Variants in AKAP19 observed in about 807,000 individuals in gnomAD.
The protein encoded by AKAP19 is A-kinase anchoring protein 19.
At chr2:190,197,420 T>C in the AKAP19 span, among the ~76,000 whole-genome samples, 4 of 152,226 alleles carry the variant, frequency 2.6e-5, no homozygotes. The surrounding 1 kb of genome is among the most constrained non-coding windows in gnomAD (Gnocchi z 4.0). Context: ...AATCGTTTGC[T>C]AACACTTTGC....
chr2:190,203,444 T>C, the AKAP19 span: 1 of 166,780 alleles, frequency 6.0e-6, no homozygotes, highest in Admixed American at 6.5e-5. Flanking sequence ...CTGAAAACAT[T>C]TGTTGTTGTA....
chr2:190,077,346 A>G, the AKAP19 span, among the ~76,000 whole-genome samples: 4 of 151,770 alleles, frequency 2.6e-5, no homozygotes, highest in East Asian at 7.8e-4. Flanking sequence ...AGTAGTTGGG[A>G]TTACAGGTGC....
chr2:190,074,980 G>A, the AKAP19 span, among the ~76,000 whole-genome samples: 1 of 151,842 alleles, frequency 6.6e-6, no homozygotes, highest in Non-Finnish European at 1.5e-5. Context: ...TTTGTTTGAG[G>A]TTCTTTGCCG....
At chr2:189,918,419 T>G in the AKAP19 span, among the ~76,000 whole-genome samples, 1 of 152,136 alleles carries the variant, frequency 6.6e-6, no homozygotes, top group East Asian at 1.9e-4. Context: ...AAGGGTATGA[T>G]TCTCAACATC....
chr2:190,081,664 A>C, the AKAP19 span, among the ~76,000 whole-genome samples: 2 of 151,898 alleles, frequency 1.3e-5, no homozygotes, highest in African/African-American at 2.4e-5. Context: ...TTGGGGGAAA[A>C]ATTTAAACTC....
the AKAP19 span, among the ~76,000 whole-genome samples, chr2:190,031,044 C>A: frequency 6.6e-6 from 1 of 152,132 alleles, no homozygotes; most frequent in Non-Finnish European, 1.5e-5. Context: ...CCCTTTCCCC[C>A]ACGAAATAGA....
At chr2:190,139,545 T>A in the AKAP19 span, among the ~76,000 whole-genome samples, 1 of 152,112 alleles carries the variant, frequency 6.6e-6, no homozygotes, top group East Asian at 1.9e-4. Flanking sequence ...ACACCTACAA[T>A]CATGGCAGAA....
the AKAP19 span, among the ~76,000 whole-genome samples, chr2:190,052,997 T>A: frequency 1.3e-5 from 2 of 152,218 alleles, no homozygotes; most frequent in African/African-American, 4.8e-5. Flanking sequence ...AAAGTATATG[T>A]GTGTGCTTAT....
At chr2:190,093,225 C>G in the AKAP19 span, among the ~76,000 whole-genome samples, 263 of 151,668 alleles carry the variant, frequency 1.7e-3, 2 homozygotes, top group African/African-American at 6.1e-3. Context: ...GAGTTTGAGA[C>G]CAGCCTGGCC....
the AKAP19 span, among the ~76,000 whole-genome samples, chr2:190,114,804 A>G: frequency 6.6e-6 from 1 of 152,144 alleles, no homozygotes. Flanking sequence ...AAACTTTGAA[A>G]ATATAATTGT....
chr2:189,960,189 A>G, the AKAP19 span, among the ~76,000 whole-genome samples: 1 of 152,204 alleles, frequency 6.6e-6, no homozygotes, highest in African/African-American at 2.4e-5. Flanking sequence ...TTGTTAGCTC[A>G]AGAGACCCAG....
chr2:190,076,652 A>G, the AKAP19 span, among the ~76,000 whole-genome samples: 1 of 152,264 alleles, frequency 6.6e-6, no homozygotes, highest in South Asian at 2.1e-4. Flanking sequence ...AATATTACTT[A>G]TCATTGTTCC....
At chr2:189,991,500 A>G in the AKAP19 span, among the ~76,000 whole-genome samples, 6 of 152,102 alleles carry the variant, frequency 3.9e-5, no homozygotes, top group African/African-American at 1.4e-4. Flanking sequence ...ATCTCTTTTG[A>G]GAACTGTCTA....
chr2:189,983,077 A>G, the AKAP19 span, among the ~76,000 whole-genome samples: 1 of 152,166 alleles, frequency 6.6e-6, no homozygotes, highest in Non-Finnish European at 1.5e-5. Flanking sequence ...GGGTGGAAAG[A>G]TATCATGTTG....
chr2:190,146,481 T>C, the AKAP19 span, among the ~76,000 whole-genome samples: 4 of 152,268 alleles, frequency 2.6e-5, no homozygotes, highest in Non-Finnish European at 5.9e-5. Flanking sequence ...AGTATCTTTT[T>C]TGAATTATGA....
At chr2:189,943,066 C>T in the AKAP19 span, among the ~76,000 whole-genome samples, 1 of 152,170 alleles carries the variant, frequency 6.6e-6, no homozygotes, top group African/African-American at 2.4e-5. Flanking sequence ...AACCACTTGC[C>T]AGTTATTCAT....
the AKAP19 span, among the ~76,000 whole-genome samples, chr2:190,186,212 A>G: frequency 4.6e-4 from 70 of 152,294 alleles, no homozygotes; most frequent in Non-Finnish European, 8.8e-5. This position sits in a 1 kb window ranked among gnomAD's most constrained non-coding sequence, Gnocchi z 5.5. Context: ...TTGGCCTCCC[A>G]AAGCACTGGG....
chr2:189,984,323 CT>C, the AKAP19 span, among the ~76,000 whole-genome samples: 3 of 152,284 alleles, frequency 2.0e-5, no homozygotes, highest in Non-Finnish European at 4.4e-5. Flanking sequence ...GGTGCGCATT[CT>C]CTTTCTCAGG....
the AKAP19 span, among the ~76,000 whole-genome samples, chr2:189,950,772 A>C: frequency 3.9e-5 from 6 of 152,184 alleles, no homozygotes; most frequent in Admixed American, 3.9e-4. Flanking sequence ...TAATGACTTA[A>C]GTTCCCCCAA....
Sources: gnomAD v4.1 joint callset for allele counts (sites outside exome capture counted in the v4.1 genomes callset) on GRCh38, gnomAD v4.1.1 for gene constraint, Gnocchi (gnomAD v3.1) non-coding constraint, MANE v1.5 for transcripts, NCBI Gene and HGNC (gene_info 2026-07-23, HGNC 2026-07-21) for gene names.